The following CCL7 variants were observed in gnomAD, a reference collection of about 807,000 sequenced individuals.
CCL7 encodes C-C motif chemokine 7.
Under a neutral mutation model 7.1 loss-of-function variants are expected in CCL7, and 8 were observed. The ratio of observed to expected loss-of-function variants is 1.13; its 90% CI spans 0.66 to 2.04. The LOEUF is 2.04. CCL7 is among the 30% of genes most tolerant of loss of function. CCL7 has a pLI of 0.00. For synonymous variants in CCL7, 46 were observed against 41.2 expected (o/e 1.12, Z -0.45); for missense variants, 134 against 113.6 (o/e 1.18, Z -0.82).
At chr17:34,271,377 A>G in intron 2 of CCL7, 114 bp downstream of exon 2, 2 of 815,760 alleles carry the variant, frequency 2.5e-6, no homozygotes, top group Non-Finnish European at 4.0e-6. Context: ...TGCATACAGC[A>G]TCTCTAACCT....
chr17:34,271,072 C>T, intron 1 of CCL7, 74 bp from the exon 2 acceptor site: 1 of 1,599,894 alleles, frequency 6.3e-7, no homozygotes, highest in Non-Finnish European at 8.5e-7. Flanking sequence ...TTCTTCTTAC[C>T]ATTCCCTGTT....
Position 34,271,994 on chromosome 17 carries a change from G to A in CCL7, c.*192G>A, listed in dbSNP as rs1908192742. The A allele has an allele frequency of 2.1e-6, 1 of 487,594 alleles. No homozygotes were observed. The highest frequency in any genetic ancestry group is 3.6e-6 in the Non-Finnish European group (1 of 279,866). 30.2% of individuals were successfully genotyped at this position (487,594 alleles called of 1,614,324 possible). On this transcript the variant is annotated 3_prime_UTR_variant, in exon 3 of 3. Transcript: ENST00000378569. Reference sequence around the variant, plus strand: ...TTAATATTTTAATTTAATCTTCCATGGATTTTGGTGGGTTTTGAACATAAA... The same window carrying A: ...TTAATATTTTAATTTAATCTTCCATAGATTTTGGTGGGTTTTGAACATAAA...
chr17:34,271,117 G>T, intron 1 of CCL7, 29 bp from the exon 2 acceptor site: 1 of 1,613,944 alleles, frequency 6.2e-7, no homozygotes, highest in Non-Finnish European at 8.5e-7. Flanking sequence ...CACCCTCAAT[G>T]GACTTTTCTT....
chr17:34,270,431 C>A, intron 1 of CCL7, 65 bp downstream of exon 1: 2 of 1,264,390 alleles, frequency 1.6e-6, no homozygotes, highest in Non-Finnish European at 2.3e-6. Flanking sequence ...CTGGACCAAT[C>A]AAGAAGACCT....
In CCL7 at chr17:34,271,192, G is replaced by T. The variant is rs751070235; in HGVS notation, c.123G>T (p.Lys41Asn). 1.9e-6 allele frequency: 3 copies of T among 1,614,110 alleles called. No homozygotes were observed. In the South Asian group the frequency reaches 3.3e-5, roughly 18 times the overall value. The part of the protein sequence containing the change: ...STTCCYRFIN[K>N]KIPKQRLESY... ...CCTGCTGCTACAGATTTATCAATAA[G>T]AAAATCCCTAAGCAGAGGCTGGAGA... The change falls in exon 2 of 3, where the codon AAG becomes AAT. Residue 41 changes from lysine to asparagine, a missense_variant. Physicochemically the swap from Lys to Asn is moderately conservative, Grantham distance 94 (BLOSUM62 0). Coordinates refer to ENST00000378569, the MANE Select transcript of CCL7 (RefSeq NM_006273.4).
chr17:34,270,880 C>A (rs1908112495), intron 1 of CCL7, among the ~76,000 whole-genome samples: 2 of 152,154 alleles, frequency 1.3e-5, no homozygotes, highest in Non-Finnish European at 2.9e-5. Flanking sequence ...ATTATATTAG[C>A]CCCTCCTAGC....
At chr17:34,271,645 C>A (rs750809605) in intron 2 of CCL7, 52 bp from the exon 3 acceptor site, 12 of 1,225,236 alleles carry the variant, frequency 9.8e-6, no homozygotes, top group Non-Finnish European at 1.4e-5. Context: ...GTCACACTCC[C>A]AGGCTGAACC....
At chr17:34,270,466 G>A (rs1360501237) in intron 1 of CCL7, 100 bp downstream of exon 1, 1 of 927,778 alleles carries the variant, frequency 1.1e-6, no homozygotes, top group Non-Finnish European at 1.7e-6. Flanking sequence ...CACTTTAACA[G>A]CTACTTTTCC....
At position 34,271,731 on chromosome 17, in the gene CCL7, G is replaced by C. The variant is rs200981031; in HGVS notation, c.229G>C (p.Asp77His). The C allele has an allele frequency of 3.7e-6, 6 of 1,612,978 alleles. No individual in the cohort carries two copies. The South Asian group carries it at 6.6e-5, about 18-fold the overall frequency. ...CAAACTGGACAAGGAGATCTGTGCT[G>C]ACCCCACACAGAAGTGGGTCCAGGA... is the stretch of plus-strand genomic sequence containing the variant. Reference protein sequence around the residue: ...KTKLDKEICADPTQKWVQDFM... With the variant: ...KTKLDKEICAHPTQKWVQDFM... The change falls in exon 3 of 3, where the codon GAC becomes CAC. Residue 77 changes from aspartate to histidine, a missense_variant. Coordinates refer to ENST00000378569, the MANE Select transcript of CCL7 (RefSeq NM_006273.4).
Position 34,272,076 on chromosome 17 carries a change from C to A in CCL7, c.*274C>A. On this transcript the variant is annotated 3_prime_UTR_variant, in exon 3 of 3. Coordinates refer to ENST00000378569, the MANE Select transcript of CCL7 (RefSeq NM_006273.4). ...AAAAACTGTGGGATGCTCCTCCCTTCTCTACCTCATGGGGGTATTGTATAA... is the reference window on the plus strand; with the variant it reads ...AAAAACTGTGGGATGCTCCTCCCTTATCTACCTCATGGGGGTATTGTATAA... 1 of 337,620 alleles carries A rather than the reference C, an allele frequency of 3.0e-6. No homozygotes were observed. Among genetic ancestry groups the A allele is most frequent in the Non-Finnish European group, 5.4e-6 (1 of 185,672 alleles). The allele number at this position is 337,620 out of a possible 1,614,324, so 20.9% of individuals were successfully genotyped here. A position where few individuals can be genotyped will look rare whatever the true frequency, so the allele number is the denominator to read the frequency against.
Position 34,271,156 on chromosome 17 carries a change from T to C in CCL7, c.87T>C (p.Asn29=), listed in dbSNP as rs756559301. 1.2e-6 allele frequency: 2 copies of C among 1,614,182 alleles called. No homozygotes were observed. The highest frequency in any genetic ancestry group is 1.7e-6 in the Non-Finnish European group (2 of 1,180,028). The change falls in exon 2 of 3, where the codon AAT becomes AAC. Residue 29 remains asparagine, a synonymous_variant. Coordinates refer to ENST00000378569, the MANE Select transcript of CCL7 (RefSeq NM_006273.4). Reference sequence around the variant, plus strand: ...GTTGTTTCATTGCAGTTGGGATTAATACTTCAACTACCTGCTGCTACAGAT... The same window carrying C: ...GTTGTTTCATTGCAGTTGGGATTAACACTTCAACTACCTGCTGCTACAGAT... ...PQGLAQPVGI[N]TSTTCCYRFI... is the part of the protein sequence containing the mutation.
At chr17:34,270,659 G>A (rs1408146341) in intron 1 of CCL7, among the ~76,000 whole-genome samples, 1 of 152,172 alleles carries the variant, frequency 6.6e-6, no homozygotes, top group African/African-American at 2.4e-5. Context: ...TGGGATCAGG[G>A]TGATCAAAGA....
intron 2 of CCL7, 122 bp downstream of exon 2, chr17:34,271,385 C>T: frequency 2.5e-6 from 2 of 793,824 alleles, no homozygotes; most frequent in Non-Finnish European, 4.1e-6. Context: ...GCATCTCTAA[C>T]CTTATCCCAG....
rs1333927006 is a variant in CCL7 at position 34,272,033 on chromosome 17, AT to A, written c.*232del. 6 of 420,352 alleles carry A rather than the reference AT, an allele frequency of 1.4e-5. No individual in the cohort carries two copies. Among genetic ancestry groups the A allele is most frequent in the African/African-American group, 6.3e-5 (3 of 47,362 alleles). The allele number at this position is 420,352 out of a possible 1,614,324, so 26.0% of individuals were successfully genotyped here. The stretch of plus-strand genomic sequence containing the variant: ...TTTGAACATAAAGCCTTGGATGTAT[AT>A]GTCATCTCAGTGCTGTAAAAACTGT... On this transcript the variant is annotated 3_prime_UTR_variant, in exon 3 of 3. Transcript: ENST00000378569.
In CCL7 at chr17:34,271,853, T is replaced by A. The variant is rs199823422; in HGVS notation, c.*51T>A. On this transcript the variant is annotated 3_prime_UTR_variant, in exon 3 of 3. Transcript: ENST00000378569. The stretch of plus-strand genomic sequence containing the variant: ...GCCATGACTTGAGAAACAAATAATT[T>A]GTATACCCTGTCCTTTCTCAGAGTG... 6.4e-6 allele frequency: 7 copies of A among 1,092,156 alleles called. No individual in the cohort carries two copies. The highest frequency in any genetic ancestry group is 9.8e-6 in the Non-Finnish European group (7 of 716,594). The allele number at this position is 1,092,156 out of a possible 1,614,324, so 67.7% of individuals were successfully genotyped here.
rs918491458 is a variant in CCL7, at chr17:34,272,104, C to G, written c.*302C>G. The G allele has an allele frequency of 3.9e-6, 1 of 254,242 alleles. No individual in the cohort carries two copies. The highest frequency in any genetic ancestry group is 2.3e-5 in the African/African-American group (1 of 43,238). 15.7% of individuals were successfully genotyped at this position (254,242 alleles called of 1,614,324 possible). ...TACCTCATGGGGGTATTGTATAAGT[C>G]CTTGCAAGAATCAGTGCAAAGATTT... On this transcript the variant is annotated 3_prime_UTR_variant, in exon 3 of 3. Coordinates refer to ENST00000378569, the MANE Select transcript of CCL7 (RefSeq NM_006273.4).
At position 34,270,414 on chromosome 17, in the gene CCL7, G is replaced by T. The variant is rs777429571; in HGVS notation, c.76+48G>T. The T allele has an allele frequency of 5.4e-6, 8 of 1,490,574 alleles. No homozygotes were observed. The African/African-American group carries it at 9.7e-5, about 18-fold the overall frequency. 92.3% of individuals were successfully genotyped at this position (1,490,574 alleles called of 1,614,324 possible). ...CTTGAAGCACATTGCCCCCTCTCTG[G>T]GTTATCCTGGACCAATCAAGAAGAC... On this transcript the variant is annotated intron_variant, in intron 1 of 2. Coordinates refer to ENST00000378569, the MANE Select transcript of CCL7 (RefSeq NM_006273.4).
chr17:34,270,874 T>C (rs1325487878), intron 1 of CCL7, among the ~76,000 whole-genome samples: 1 of 152,174 alleles, frequency 6.6e-6, no homozygotes, highest in Admixed American at 6.5e-5. Context: ...TGGATTATTA[T>C]ATTAGCCCCT....
intron 2 of CCL7, 116 bp from the exon 3 acceptor site, chr17:34,271,581 T>C: frequency 1.5e-6 from 1 of 683,460 alleles, no homozygotes; most frequent in Non-Finnish European, 2.5e-6. Flanking sequence ...CCTTCATCCC[T>C]GAGGCATCCC....
Sources: allele counts gnomAD v4.1 joint callset (sites outside exome capture counted in the v4.1 genomes callset), GRCh38; gene constraint gnomAD v4.1.1; transcripts MANE v1.5; gene names NCBI Gene and HGNC (gene_info 2026-07-23, HGNC 2026-07-21).